The following LONRF2 variants were observed in gnomAD, a reference collection of about 807,000 sequenced individuals.
The protein encoded by LONRF2 is LON peptidase N-terminal domain and ring finger 2.
Under a neutral mutation model 66.6 loss-of-function variants are expected in LONRF2, and 35 were observed. The observed-to-expected ratio is 0.53, with a 90% CI of 0.40 to 0.70. The LOEUF (loss-of-function observed/expected upper bound fraction) is 0.70. Ranked by LOEUF, LONRF2 falls within the 30% of genes least tolerant of loss-of-function variation. LONRF2 has a pLI of 0.00. For missense variants in LONRF2, 902 were observed against 1,002.1 expected, an observed-to-expected ratio of 0.90 and a Z score of 1.35; for synonymous variants, 417 against 418.1, an observed-to-expected ratio of 1.00 and a Z score of 0.03.
Position 100,298,711 on chromosome 2 carries a change from T to C in LONRF2, c.1476+125A>G. ...CATCAAAGAGATGAGAAAAGACCTA[T>C]CTTTGATTGGAGAAATCTCAGTTTC... On this transcript the variant is annotated intron_variant, in intron 7 of 11. Coordinates refer to ENST00000393437, the MANE Select transcript of LONRF2 (RefSeq NM_198461.4). 4.4e-6 allele frequency: 3 copies of C among 675,924 alleles called. No homozygotes were observed. In the South Asian group the frequency reaches 5.8e-5, roughly 13 times the overall value. The allele number at this position is 675,924 out of a possible 1,614,324, so 41.9% of individuals were successfully genotyped here.
At chr2:100,298,691 A>G (rs1675119097) in intron 7 of LONRF2, 145 bp downstream of exon 7, 1 of 599,478 alleles carries the variant, frequency 1.7e-6, no homozygotes, top group African/African-American at 1.8e-5. Context: ...TGATTCATCA[A>G]AGAGATGAGA....
At chr2:100,305,990 G>A (rs992975934) in intron 2 of LONRF2, among the ~76,000 whole-genome samples, 2 of 152,210 alleles carry the variant, frequency 1.3e-5, no homozygotes, top group African/African-American at 4.8e-5. Flanking sequence ...CCAGGTTCAA[G>A]TGATTCTCCT....
chr2:100,321,986 C>T lies in LONRF2; in HGVS notation c.108G>A (p.Ala36=). The T allele has an allele frequency of 4.1e-6, 6 of 1,464,460 alleles. No homozygotes were observed. The highest frequency in any genetic ancestry group is 1.3e-5 in the South Asian group (1 of 76,438). 90.7% of individuals were successfully genotyped at this position (1,464,460 alleles called of 1,614,324 possible). A position where few individuals can be genotyped will look rare whatever the true frequency, so the allele number is the denominator to read the frequency against. Residue 36 remains alanine, a synonymous_variant, in exon 1 of 12, where the codon GCG becomes GCA. Transcript: ENST00000393437. ...GCTCGGCTGCCATCTCGTAGTCGCC[C>T]GCGCGGAAGGCCTCGTCGCCCTCCT... ...RLEEGDEAFR[A]GDYEMAAELF...
chr2:100,287,660 C>A (rs1005161765), intron 10 of LONRF2, among the ~76,000 whole-genome samples: 1 of 152,218 alleles, frequency 6.6e-6, no homozygotes, highest in African/African-American at 2.4e-5. Context: ...TCGGCCACAG[C>A]ACCTTAGACT....
chr2:100,299,128 C>T, intron 6 of LONRF2, 98 bp downstream of exon 6: 2 of 924,542 alleles, frequency 2.2e-6, no homozygotes, highest in East Asian at 2.5e-5. Flanking sequence ...CTGAGCTCTC[C>T]CTAGTTTCCG....
At chr2:100,302,771 C>T (rs1675211062) in intron 3 of LONRF2, 150 bp downstream of exon 3, 2 of 724,210 alleles carry the variant, frequency 2.8e-6, no homozygotes, top group Non-Finnish European at 4.0e-6. Context: ...ATGTATGAAC[C>T]TTACAATTAT....
intron 2 of LONRF2, among the ~76,000 whole-genome samples, chr2:100,306,029 T>C (rs1004904316): frequency 2.0e-5 from 3 of 152,082 alleles, no homozygotes; most frequent in African/African-American, 7.2e-5. Flanking sequence ...GCTGGGATTA[T>C]AGCTGTGCAC....
chr2:100,317,327 G>A (rs1215278361), intron 1 of LONRF2, among the ~76,000 whole-genome samples: 1 of 151,578 alleles, frequency 6.6e-6, no homozygotes, highest in Non-Finnish European at 1.5e-5. Flanking sequence ...GGTTACCCAA[G>A]ACAACAGAAT....
At position 100,274,236 on chromosome 2, in the gene LONRF2, C is replaced by G. The variant is rs552989265; in HGVS notation, c.*10062G>C. ...GAGGGCTGTCGTAGTACCCCGGGAG[C>G]CTCACATGACTCTCTCAGCCCCTCC... On this transcript the variant is annotated 3_prime_UTR_variant, in exon 12 of 12. Coordinates refer to ENST00000393437, the MANE Select transcript of LONRF2 (RefSeq NM_198461.4). The G allele has an allele frequency of 6.6e-6, 1 of 152,206 alleles. No individual in the cohort carries two copies. Among genetic ancestry groups the G allele is most frequent in the East Asian group, 1.9e-4 (1 of 5,150 alleles). The allele number at this position is 152,206 out of a possible 1,614,324, so 9.4% of individuals were successfully genotyped here.
intron 1 of LONRF2, among the ~76,000 whole-genome samples, chr2:100,312,183 A>AT (rs934843350): frequency 6.6e-6 from 1 of 152,150 alleles, no homozygotes; most frequent in Non-Finnish European, 1.5e-5. Flanking sequence ...GAGCATCTCA[A>AT]TTTTTTTGAA....
chr2:100,321,585 C>T lies in LONRF2; in HGVS notation c.509G>A (p.Gly170Glu), dbSNP rs757957788. ...LTVCKRCVEP[G>E]PARPQVRRVN... ...GCGCCGCACCTGCGGCCGCGCGGGCCCTGGCTCCACGCAGCGCTTGCAGAC... is the reference window on the plus strand; with the variant it reads ...GCGCCGCACCTGCGGCCGCGCGGGCTCTGGCTCCACGCAGCGCTTGCAGAC... The change falls in exon 1 of 12, where the codon GGG becomes GAG. Residue 170 changes from glycine to glutamate, a missense_variant. Around this residue, in one of 2 missense-constraint regions of LONRF2, gnomAD observed 585 missense variants for 569.9 expected, o/e 1.03. Transcript: ENST00000393437. 4.6e-6 allele frequency: 7 copies of T among 1,529,242 alleles called. No individual in the cohort carries two copies. The South Asian group carries it at 4.8e-5, about 10-fold the overall frequency. 94.7% of individuals were successfully genotyped at this position (1,529,242 alleles called of 1,614,324 possible).
Position 100,299,868 on chromosome 2 carries a change from C to A in LONRF2, c.1116G>T (p.Leu372Phe). The change falls in exon 5 of 12, where the codon TTG becomes TTT. Residue 372 changes from leucine to phenylalanine, a missense_variant. Transcript: ENST00000393437. ...DMLGNTNSSV[L>F]YFILGLHFEE... ...CAAAGTGTAGACCCAGTATAAAATA[C>A]AAAACTGAAGAATTGGTATTTCCAA... 2 of 1,612,512 alleles carry A rather than the reference C, an allele frequency of 1.2e-6. No individual in the cohort carries two copies. Among genetic ancestry groups the A allele is most frequent in the Non-Finnish European group, 1.7e-6 (2 of 1,178,788 alleles).
At chr2:100,286,629 T>C (rs1251721611) in intron 11 of LONRF2, among the ~76,000 whole-genome samples, 3 of 152,228 alleles carry the variant, frequency 2.0e-5, no homozygotes, top group South Asian at 2.1e-4. Flanking sequence ...AATTTTAAGA[T>C]GTGAGTGAAA....
intron 11 of LONRF2, 100 bp from the exon 12 acceptor site, chr2:100,284,592 T>A: frequency 1.0e-6 from 1 of 953,102 alleles, no homozygotes; most frequent in Non-Finnish European, 1.5e-6. Flanking sequence ...GAGCAAGAAT[T>A]AAATGCCACC....
At position 100,292,492 on chromosome 2, in the gene LONRF2, T is replaced by C. The variant is rs573627571; in HGVS notation, c.1757+1737A>G. 9.2e-5 allele frequency among the ~76,000 whole-genome samples: 14 copies of C among 152,378 alleles called. No individual in the cohort carries two copies. The South Asian group carries it at 2.7e-3, about 29-fold the overall frequency. On this transcript the variant is annotated intron_variant, in intron 9 of 11. Transcript: ENST00000393437. ...TCTCTCCCTGTGGGATCTTGTTTGG[T>C]TACCCTGAGCAACCTTCACTCTCTG...
In LONRF2 at chr2:100,286,885, G is replaced by T. The variant is rs192237396; in HGVS notation, c.2070+29C>A. ...CAGCACACTACAGCAGGAAGTAACA[G>T]AATTATAAAGGAAAAAGGGAGGGCA... On this transcript the variant is annotated intron_variant, in intron 11 of 11. Coordinates refer to ENST00000393437, the MANE Select transcript of LONRF2 (RefSeq NM_198461.4). 307 of 1,607,302 alleles carry T rather than the reference G, an allele frequency of 1.9e-4. 1 individual carries two copies. In the East Asian group the frequency reaches 6.7e-3, roughly 35 times the overall value.
At chr2:100,287,557 G>A (rs1054034022) in intron 10 of LONRF2, among the ~76,000 whole-genome samples, 1 of 152,172 alleles carries the variant, frequency 6.6e-6, no homozygotes, top group African/African-American at 2.4e-5. Context: ...TTTAAAAATT[G>A]TATTCCATAT....
In LONRF2 at chr2:100,281,647, T is replaced by A. The variant is rs1674738957; in HGVS notation, c.*2651A>T. On this transcript the variant is annotated 3_prime_UTR_variant, in exon 12 of 12. Coordinates refer to ENST00000393437, the MANE Select transcript of LONRF2 (RefSeq NM_198461.4). ...ATTGTTCCTCAAGAAGAAAAATGAC[T>A]CCCCCACGCTGCTATTACTCTTTTC... 6.6e-6 allele frequency: 1 copy of A among 152,008 alleles called. No homozygotes were observed. Among genetic ancestry groups the A allele is most frequent in the Non-Finnish European group, 1.5e-5 (1 of 68,002 alleles). 9.4% of individuals were successfully genotyped at this position (152,008 alleles called of 1,614,324 possible).
intron 2 of LONRF2, among the ~76,000 whole-genome samples, chr2:100,306,253 C>T (rs984202982): frequency 1.3e-5 from 2 of 150,186 alleles, no homozygotes; most frequent in South Asian, 4.3e-4. Flanking sequence ...TTGCTAGGGC[C>T]CCTTTCAGGC....
Sources: allele counts gnomAD v4.1 joint callset (sites outside exome capture counted in the v4.1 genomes callset), GRCh38; gene constraint gnomAD v4.1.1; regional missense constraint gnomAD v4.1.1; transcripts MANE v1.5; gene names NCBI Gene and HGNC (gene_info 2026-07-23, HGNC 2026-07-21).